The following LDLRAD3 variants were observed in gnomAD, a reference collection of about 807,000 sequenced individuals.
LDLRAD3 encodes low density lipoprotein receptor class A domain containing 3.
In LDLRAD3, 20 loss-of-function variants were observed where a neutral mutation model predicts 29.4. That is an observed-to-expected ratio of 0.68 (90% CI 0.48 to 0.99). The LOEUF (loss-of-function observed/expected upper bound fraction) is 0.99, where lower values mean the gene tolerates loss of function less well. Ranked by LOEUF, LDLRAD3 falls within the 50% of genes least tolerant of loss-of-function variation. LDLRAD3 has a pLI of 0.00. For synonymous variants in LDLRAD3, 157 were observed against 192.7 expected (o/e 0.81, Z 1.53); for missense variants, 420 against 454.3 (o/e 0.92, Z 0.69).
intron 4 of LDLRAD3, among the ~76,000 whole-genome samples, chr11:36,222,789 T>C (rs1167075528): frequency 6.6e-6 from 1 of 152,168 alleles, no homozygotes; most frequent in Non-Finnish European, 1.5e-5. Context: ...GTAATGACTT[T>C]GAGGTGAAGA....
Position 36,025,680 on chromosome 11 carries a change from C to T in LDLRAD3, c.47-10423C>T, listed in dbSNP as rs568635431. ...CTGGGATTACAGGTGTGAGCCACCG[C>T]GCCCGGCCCAGATTTTTTTTTAAGA... On this transcript the variant is annotated intron_variant, in intron 1 of 5. Transcript: ENST00000315571. Among the ~76,000 whole-genome samples, 156 of 151,596 alleles carry T rather than the reference C, an allele frequency of 1.0e-3. 2 individuals are homozygous for T. The highest frequency in any genetic ancestry group is 9.9e-3 in the Admixed American group (150 of 15,192).
chr11:36,105,702 A>G lies in LDLRAD3; in HGVS notation c.454+7241A>G, dbSNP rs1412813966. On this transcript the variant is annotated intron_variant, in intron 4 of 5. Coordinates refer to ENST00000315571, the MANE Select transcript of LDLRAD3 (RefSeq NM_174902.4). Reference sequence around the variant, plus strand: ...GCAGAGATCGCCAGCAAACACCAGAAGCCAGGAGAGAGGCTCGGAACAGAT... The same window carrying G: ...GCAGAGATCGCCAGCAAACACCAGAGGCCAGGAGAGAGGCTCGGAACAGAT... Among the ~76,000 whole-genome samples the G allele has an allele frequency of 2.0e-5, 3 of 152,170 alleles. No homozygotes were observed. The East Asian group carries it at 5.8e-4, about 29-fold the overall frequency.
At chr11:36,041,400 C>G (rs1353961545) in intron 2 of LDLRAD3, among the ~76,000 whole-genome samples, 1 of 152,190 alleles carries the variant, frequency 6.6e-6, no homozygotes, top group Non-Finnish European at 1.5e-5. Flanking sequence ...TCAGAGACCC[C>G]CAGTGGGGGC....
Position 35,947,060 on chromosome 11 carries a change from G to A in LDLRAD3, c.46+2916G>A, listed in dbSNP as rs186835540. ...GGGAGAGAGATGGGAGTAGGAGAGG[G>A]TGGGGTGGTAAATTCTGGGCCTTGA... On this transcript the variant is annotated intron_variant, in intron 1 of 5. Coordinates refer to ENST00000315571, the MANE Select transcript of LDLRAD3 (RefSeq NM_174902.4). Among the ~76,000 whole-genome samples the A allele has an allele frequency of 3.6e-3, 544 of 152,266 alleles. 2 individuals are homozygous for A. The highest frequency in any genetic ancestry group is 6.1e-3 in the Non-Finnish European group (412 of 68,018).
intron 1 of LDLRAD3, among the ~76,000 whole-genome samples, chr11:35,958,178 G>GT (rs1432625319): frequency 6.6e-6 from 1 of 152,164 alleles, no homozygotes; most frequent in African/African-American, 2.4e-5. Context: ...ATTTAAATTA[G>GT]TTAAGTTTAA....
intron 1 of LDLRAD3, among the ~76,000 whole-genome samples, chr11:36,017,674 G>A (rs1352307390): frequency 1.3e-5 from 2 of 151,682 alleles, no homozygotes; most frequent in Non-Finnish European, 1.5e-5. Flanking sequence ...GATTACAGTC[G>A]TGCACCCCCA....
At chr11:36,109,610 G>T (rs922355238) in intron 4 of LDLRAD3, among the ~76,000 whole-genome samples, 1 of 152,188 alleles carries the variant, frequency 6.6e-6, no homozygotes, top group African/African-American at 2.4e-5. Flanking sequence ...GGAATAGAGA[G>T]ATCTTTGCTT....
chr11:36,142,762 C>T (rs946207988), intron 4 of LDLRAD3, among the ~76,000 whole-genome samples: 3 of 152,134 alleles, frequency 2.0e-5, no homozygotes, highest in Non-Finnish European at 4.4e-5. Flanking sequence ...AGCAGGAGGG[C>T]GCTTTCTGCA....
intron 1 of LDLRAD3, among the ~76,000 whole-genome samples, chr11:35,950,952 A>C (rs1056410222): frequency 6.6e-6 from 1 of 152,098 alleles, no homozygotes; most frequent in African/African-American, 2.4e-5. Flanking sequence ...GAGTGGTGGC[A>C]CGCACCTGTA....
chr11:36,058,431 G>A (rs181002163), intron 2 of LDLRAD3, among the ~76,000 whole-genome samples: 3 of 152,292 alleles, frequency 2.0e-5, no homozygotes, highest in Admixed American at 2.0e-4. Flanking sequence ...CAGATTGCGA[G>A]CTCTTTAAGT....
chr11:36,028,540 G>GTATGGCTT (rs1293364586), intron 1 of LDLRAD3, among the ~76,000 whole-genome samples: 1 of 152,076 alleles, frequency 6.6e-6, no homozygotes, highest in Non-Finnish European at 1.5e-5. Context: ...TCTGAACCAG[G>GTATGGCTT]TATGGCTTTT....
At chr11:35,998,808 C>T (rs936142909) in intron 1 of LDLRAD3, among the ~76,000 whole-genome samples, 14 of 152,124 alleles carry the variant, frequency 9.2e-5, no homozygotes, top group African/African-American at 2.7e-4. Flanking sequence ...TAAGTCAGGC[C>T]CTATTAAATA....
rs761045228 is a variant in LDLRAD3, at chr11:36,229,329, C to T, written c.970C>T (p.Pro324Ser). 3.7e-6 allele frequency: 6 copies of T among 1,613,970 alleles called. No individual in the cohort carries two copies. The Admixed American group carries it at 6.7e-5, about 18-fold the overall frequency. The change falls in exon 6 of 6, where the codon CCT (proline) becomes TCT (serine). Residue 324 changes from proline (P) to serine (S), a missense_variant. Coordinates refer to ENST00000315571, the MANE Select transcript of LDLRAD3 (RefSeq NM_174902.4). ...AGACACCAGCCACAGCCCGGGGCAG[C>T]CTGGCCCCCAGGAGGGCACTGCTGA... ...VEDTSHSPGQ[P>S]GPQEGTAEPR... is the part of the protein sequence containing the mutation.
At chr11:36,084,195 G>C (rs1853162295) in intron 3 of LDLRAD3, among the ~76,000 whole-genome samples, 1 of 152,172 alleles carries the variant, frequency 6.6e-6, no homozygotes, top group Middle Eastern at 3.2e-3. Context: ...AAAGTGCTGG[G>C]ATTATAGGCA....
chr11:35,994,267 G>A (rs1317933488), intron 1 of LDLRAD3, among the ~76,000 whole-genome samples: 2 of 148,082 alleles, frequency 1.4e-5, no homozygotes, highest in African/African-American at 5.0e-5. Flanking sequence ...AACCCAGGAG[G>A]CAGAGCTTGC....
chr11:36,089,061 A>C (rs1013843873), intron 3 of LDLRAD3, among the ~76,000 whole-genome samples: 1 of 152,220 alleles, frequency 6.6e-6, no homozygotes, highest in Admixed American at 6.5e-5. Context: ...CATGTATATT[A>C]TCAGGCTCAG....
intron 3 of LDLRAD3, among the ~76,000 whole-genome samples, chr11:36,082,120 A>C (rs1351090652): frequency 6.6e-6 from 1 of 152,254 alleles, no homozygotes; most frequent in Admixed American, 6.5e-5. Flanking sequence ...CATAAGAAGC[A>C]GAGCCATTTC....
At position 36,231,446 on chromosome 11, in the gene LDLRAD3, T is replaced by C. The variant is rs1474091648; in HGVS notation, c.*2049T>C. 6.6e-6 allele frequency: 1 copy of C among 152,202 alleles called. No homozygotes were observed. The highest frequency in any genetic ancestry group is 1.5e-5 in the Non-Finnish European group (1 of 68,036). The allele number at this position is 152,202 out of a possible 1,614,324, so 9.4% of individuals were successfully genotyped here. A position where few individuals can be genotyped will look rare whatever the true frequency, so the allele number is the denominator to read the frequency against. Reference sequence around the variant, plus strand: ...ATGTGTTAGAACTCTGGCTGAACATTTCATCTCCTGTGAGTCAGAAGGGCT... The same window carrying C: ...ATGTGTTAGAACTCTGGCTGAACATCTCATCTCCTGTGAGTCAGAAGGGCT... On this transcript the variant is annotated 3_prime_UTR_variant, in exon 6 of 6. Coordinates refer to ENST00000315571, the MANE Select transcript of LDLRAD3 (RefSeq NM_174902.4).
At chr11:36,107,060 C>G (rs1853539093) in intron 4 of LDLRAD3, among the ~76,000 whole-genome samples, 1 of 152,226 alleles carries the variant, frequency 6.6e-6, no homozygotes, top group Non-Finnish European at 1.5e-5. Flanking sequence ...AGCAGAGCCA[C>G]AGCCAGCCTG....
Sources: gnomAD v4.1 joint callset for allele counts (sites outside exome capture counted in the v4.1 genomes callset) on GRCh38, gnomAD v4.1.1 for gene constraint, MANE v1.5 for transcripts, NCBI Gene and HGNC (gene_info 2026-07-23, HGNC 2026-07-21) for gene names.